Variants in KDM5C observed in about 807,000 individuals in gnomAD.
The protein encoded by KDM5C is lysine-specific demethylase 5C.
Under a neutral mutation model 110.6 loss-of-function variants are expected in KDM5C, and 16 were observed. That is an observed-to-expected ratio of 0.14 (90% CI 0.10 to 0.22). The LOEUF (loss-of-function observed/expected upper bound fraction) is 0.22. KDM5C is among the 10% of genes least tolerant of loss of function. KDM5C has a pLI of 1.00. For missense variants in KDM5C, 681 were observed against 1,300.9 expected (o/e 0.52, Z 7.33); for synonymous variants, 511 against 520.4 (o/e 0.98, Z 0.24).
At position 53,194,668 on chromosome X, in the gene KDM5C, G is replaced by A. The variant is rs2146823407; in HGVS notation, c.3509C>T (p.Ala1170Val). Residue 1170 changes from alanine to valine, a missense_variant, in exon 23 of 26, where the codon GCC (alanine) becomes GTC (valine). This residue lies in a region of KDM5C where 48 missense variants were observed against 59.7 expected (regional missense o/e 0.80). Coordinates refer to ENST00000375401, the MANE Select transcript of KDM5C (RefSeq NM_004187.5). ...CGATGATGCCAGTGGACTGGGCTTG[G>A]CCGAATTGGTGCGACGCAGCTGCAG... ...GILQLRRTNS[A>V]KPSPLASSST... 8.3e-7 allele frequency: 1 copy of A among 1,211,600 alleles called. No individual in the cohort carries two copies. The highest frequency in any genetic ancestry group is 1.8e-5 in the South Asian group (1 of 56,953).
In KDM5C at chrX:53,207,255, T is replaced by C. The variant is rs914751708; in HGVS notation, c.1746+3159A>G. On this transcript the variant is annotated intron_variant, in intron 12 of 25. Coordinates refer to ENST00000375401, the MANE Select transcript of KDM5C (RefSeq NM_004187.5). The stretch of plus-strand genomic sequence containing the variant: ...AAGAAACAGGTAAAATTAAGTTAAA[T>C]ATATTTTATTTAACTTAACATATCC... 7.6e-5 allele frequency among the ~76,000 whole-genome samples: 8 copies of C among 105,902 alleles called. No individual in the cohort carries two copies. In the South Asian group the frequency reaches 1.2e-3, roughly 16 times the overall value. 92.0% of individuals were successfully genotyped at this position (105,902 alleles called of 115,157 possible).
In KDM5C at chrX:53,220,863, T is replaced by C. The variant is rs1255613367; in HGVS notation, c.204A>G (p.Arg68=). The C allele has an allele frequency of 2.0e-5, 24 of 1,210,926 alleles. No homozygotes were observed. The highest frequency in any genetic ancestry group is 2.6e-5 in the Non-Finnish European group (23 of 894,977). ...VEVDNFRFTP[R]IQRLNELEAQ... is the part of the protein sequence containing the mutation. Reference sequence around the variant, plus strand: ...CCTCTAGCTCATTCAGCCTCTGGATTCGGGGGGTAAACCTGAAGTTGTCCA... The same window carrying C: ...CCTCTAGCTCATTCAGCCTCTGGATCCGGGGGGTAAACCTGAAGTTGTCCA... The change falls in exon 2 of 26, where the codon CGA becomes CGG. Residue 68 remains arginine (R), a synonymous_variant. Coordinates refer to ENST00000375401, the MANE Select transcript of KDM5C (RefSeq NM_004187.5).
intron 14 of KDM5C, chrX:53,201,237 G>A (rs2073130023): frequency 3.3e-6 from 1 of 307,212 alleles, no homozygotes; most frequent in Non-Finnish European, 5.8e-6. Flanking sequence ...TGTAAATAAT[G>A]ATAAATAGCT....
At position 53,192,193 on chromosome X, in the gene KDM5C, CAA is replaced by C. The variant is rs1303824459; in HGVS notation, c.*772_*773del. On this transcript the variant is annotated 3_prime_UTR_variant, in exon 26 of 26. Transcript: ENST00000375401. The stretch of plus-strand genomic sequence containing the variant: ...ATGTTTCTAAGGGTTTTATTTCTAA[CAA>C]GAGGAAAATAATAAAATAAAATTAA... 5.8e-6 allele frequency: 1 copy of C among 173,621 alleles called. No homozygotes were observed. The highest frequency in any genetic ancestry group is 1.1e-5 in the Non-Finnish European group (1 of 91,016). The allele number at this position is 173,621 out of a possible 1,213,427, so 14.3% of individuals were successfully genotyped here. A position where few individuals can be genotyped will look rare whatever the true frequency, so the allele number is the denominator to read the frequency against.
At chrX:53,211,040 T>C (rs142085062) in intron 10 of KDM5C, among the ~76,000 whole-genome samples, 183 bp from the exon 11 acceptor site, 55 of 112,053 alleles carry the variant, frequency 4.9e-4, no homozygotes, top group African/African-American at 1.7e-3. Context: ...AAAATTTCAA[T>C]TGTATTCACT....
chrX:53,220,763 G>GA (rs1168727445), intron 2 of KDM5C, 76 bp downstream of exon 2: 199 of 857,746 alleles, frequency 2.3e-4, no homozygotes, highest in Non-Finnish European at 3.0e-4. Flanking sequence ...CTCAGCCAGA[G>GA]AAACTATAAG....
At chrX:53,217,740 G>A in intron 4 of KDM5C, 56 bp downstream of exon 4, 1 of 1,158,376 alleles carries the variant, frequency 8.6e-7, no homozygotes, top group Non-Finnish European at 1.2e-6. Context: ...AAGAGCAAGT[G>A]TGGAAATCTG....
At chrX:53,212,999 G>A (rs1294004300) in intron 8 of KDM5C, among the ~76,000 whole-genome samples, 2 of 111,179 alleles carry the variant, frequency 1.8e-5, no homozygotes, top group Non-Finnish European at 3.8e-5. Context: ...AGATTCTGTC[G>A]CAAGAAAAGA....
At position 53,215,702 on chromosome X, in the gene KDM5C, G is replaced by A. The variant is rs191190341; in HGVS notation, c.963+93C>T. ...GCAGGGCCCATGGAGGCCCGCTTTT[G>A]TGGTTAATGCGAACTGGTCCAGTGC... On this transcript the variant is annotated intron_variant, in intron 7 of 25. Coordinates refer to ENST00000375401, the MANE Select transcript of KDM5C (RefSeq NM_004187.5). 8.1e-5 allele frequency: 80 copies of A among 991,587 alleles called. No homozygotes were observed. In the East Asian group the frequency reaches 2.0e-3, roughly 25 times the overall value. 81.7% of individuals were successfully genotyped at this position (991,587 alleles called of 1,213,427 possible).
At chrX:53,195,486 C>A in intron 20 of KDM5C, 76 bp from the exon 21 acceptor site, 1 of 979,695 alleles carries the variant, frequency 1.0e-6, no homozygotes, top group Non-Finnish European at 1.4e-6. Context: ...TGGCCCTGAG[C>A]TGGAAAGATG....
At chrX:53,223,652 C>T (rs2073953754) in intron 1 of KDM5C, among the ~76,000 whole-genome samples, 1 of 112,303 alleles carries the variant, frequency 8.9e-6, no homozygotes. Context: ...AAGGCAGCAG[C>T]TTGCCCTAGC....
chrX:53,186,543 G>A (rs1934224542), downstream of KDM5C, among the ~76,000 whole-genome samples: 1 of 112,356 alleles, frequency 8.9e-6, no homozygotes, highest in African/African-American at 3.2e-5. Flanking sequence ...AGCTGCCTGA[G>A]CAAGTGAATC....
At chrX:53,215,024 G>C in intron 7 of KDM5C, 177 bp from the exon 8 acceptor site, 1 of 518,731 alleles carries the variant, frequency 1.9e-6, no homozygotes, top group East Asian at 3.6e-5. Context: ...ATCCAGTCTT[G>C]AATCCTCCCA....
At position 53,218,281 on chromosome X, in the gene KDM5C, T is replaced by G. The variant is rs1556853053; in HGVS notation, c.346A>C (p.Ser116Arg). ...ERRILDLYSL[S>R]KIVVEEGGYE... ...TGACAAAAACCTGTTCTTACTTTGC[T>G]GAGACTGTAGAGGTCCAAGATCCGC... Residue 116 changes from serine to arginine, a missense_variant, in exon 3 of 26, where the codon AGC (serine) becomes CGC (arginine). Coordinates refer to ENST00000375401, the MANE Select transcript of KDM5C (RefSeq NM_004187.5). The G allele has an allele frequency of 8.3e-7, 1 of 1,211,517 alleles. No homozygotes were observed. The highest frequency in any genetic ancestry group is 1.1e-6 in the Non-Finnish European group (1 of 895,209).
At position 53,211,658 on chromosome X, in the gene KDM5C, G is replaced by A. The variant is rs1356363939; in HGVS notation, c.1243-3C>T. The A allele has an allele frequency of 2.5e-6, 3 of 1,211,490 alleles. No homozygotes were observed. The highest frequency in any genetic ancestry group is 3.4e-6 in the Non-Finnish European group (3 of 895,271). The stretch of plus-strand genomic sequence containing the variant: ...TCCACAAGTTCTGTGGGCACCATCT[G>A]GGGGAAGACAGGTAGCAGATGACTA... On this transcript the variant is annotated splice_polypyrimidine_tract_variant and splice_region_variant and intron_variant, in intron 9 of 25. Coordinates refer to ENST00000375401, the MANE Select transcript of KDM5C (RefSeq NM_004187.5).
chrX:53,197,193 G>A, intron 18 of KDM5C, 149 bp from the exon 19 acceptor site: 1 of 475,825 alleles, frequency 2.1e-6, no homozygotes, highest in Non-Finnish European at 3.6e-6. Context: ...CCTTCTCCAA[G>A]CCCTAAGACA....
chrX:53,181,864 C>T (rs1386881487), intron 25 of KDM5C, among the ~76,000 whole-genome samples: 1 of 109,113 alleles, frequency 9.2e-6, no homozygotes, highest in Admixed American at 9.7e-5. Flanking sequence ...TCTCAGCTCA[C>T]TGCAAGCTCC....
chrX:53,220,287 T>G (rs934703189), intron 2 of KDM5C, among the ~76,000 whole-genome samples: 4 of 111,593 alleles, frequency 3.6e-5, no homozygotes, highest in Admixed American at 9.5e-5. Flanking sequence ...GGACTTCCTG[T>G]ACAGAACAAA....
At chrX:53,222,374 A>C (rs1354832358) in intron 1 of KDM5C, among the ~76,000 whole-genome samples, 1 of 109,691 alleles carries the variant, frequency 9.1e-6, no homozygotes. Context: ...AAAAAAAAAA[A>C]AACAGGCAGG....
Sources: allele counts gnomAD v4.1 joint callset (sites outside exome capture counted in the v4.1 genomes callset), GRCh38; gene constraint gnomAD v4.1.1; regional missense constraint gnomAD v4.1.1; transcripts MANE v1.5; gene names NCBI Gene and HGNC (gene_info 2026-07-23, HGNC 2026-07-21).